Variants in ODAM observed in about 807,000 individuals in gnomAD.
The protein encoded by ODAM is odontogenic, ameloblast associated.
ODAM carries 55 observed loss-of-function variants against 48.5 expected under a neutral mutation model. That is an observed-to-expected ratio of 1.13 (90% confidence interval 0.91 to 1.42). The LOEUF (loss-of-function observed/expected upper bound fraction) is 1.42, where lower values mean the gene tolerates loss of function less well. Ranked by LOEUF, ODAM falls within the 40% of genes most tolerant of loss-of-function variation. ODAM has a pLI of 0.00. For synonymous variants in ODAM, 127 were observed against 107.8 expected (o/e 1.18, Z -1.10); for missense variants, 353 against 323.6 (o/e 1.09, Z -0.70).
At position 70,196,601 on chromosome 4, in the gene ODAM, G is replaced by T. The variant is rs202156942; in HGVS notation, c.51+7G>T. ...AGCCACATTGTCAGCCCCAGTAAGT[G>T]ATTTTATGGCACTACTAGTCCCACT... On this transcript the variant is annotated splice_region_variant and intron_variant, in intron 2 of 11. Transcript: ENST00000683306. 3.2e-5 allele frequency: 51 copies of T among 1,597,636 alleles called. No individual in the cohort carries two copies. Among genetic ancestry groups the T allele is most frequent in the Non-Finnish European group, 6.9e-6 (8 of 1,167,882 alleles).
rs758137062 is a variant in ODAM, at chr4:70,196,599, G to A, written c.51+5G>A. ...GGAGCCACATTGTCAGCCCCAGTAA[G>A]TGATTTTATGGCACTACTAGTCCCA... is the stretch of plus-strand genomic sequence containing the variant. On this transcript the variant is annotated splice_donor_5th_base_variant and intron_variant, in intron 2 of 11. Transcript: ENST00000683306. 1 of 1,597,386 alleles carries A rather than the reference G, an allele frequency of 6.3e-7. No homozygotes were observed. The highest frequency in any genetic ancestry group is 2.2e-5 in the East Asian group (1 of 44,514).
rs971847947 is a variant in ODAM at position 70,204,231 on chromosome 4, C to T, written c.*86C>T. On this transcript the variant is annotated 3_prime_UTR_variant, in exon 12 of 12. Coordinates refer to ENST00000683306, the MANE Select transcript of ODAM (RefSeq NM_017855.4). ...TTTTAGGCTATTAGCTTCCTCAATA[C>T]TAGTATCAGTTCTTTGGAATACATG... is the stretch of plus-strand genomic sequence containing the variant. 1.3e-5 allele frequency: 2 copies of T among 152,056 alleles called. No homozygotes were observed. The highest frequency in any genetic ancestry group is 4.1e-4 in the South Asian group (2 of 4,830). The allele number at this position is 152,056 out of a possible 1,614,324, so 9.4% of individuals were successfully genotyped here.
At position 70,198,082 on chromosome 4, in the gene ODAM, C is replaced by A. The variant is rs144151978; in HGVS notation, c.300C>A (p.Ala100=). The A allele has an allele frequency of 3.7e-6, 6 of 1,613,242 alleles. No homozygotes were observed. In the African/African-American group the frequency reaches 8.0e-5, roughly 22 times the overall value. The part of the protein sequence containing the change: ...QIPLTGEASF[A]QGAQAGQVDP... ...CCTTAACAGGAGAGGCCAGTTTTGC[C>A]CAAGGAGCCCAGGCAGGCCAAGTTG... The change falls in exon 5 of 12, where the codon GCC becomes GCA. Residue 100 remains alanine (A), a synonymous_variant. Transcript: ENST00000683306.
chr4:70,200,381 C>G, intron 6 of ODAM, 116 bp from the exon 7 acceptor site: 1 of 581,566 alleles, frequency 1.7e-6, no homozygotes, highest in Non-Finnish European at 3.0e-6. Context: ...TGTATTTAAT[C>G]ATATAAAGCT....
intron 1 of ODAM, 35 bp from the exon 2 acceptor site, chr4:70,196,494 C>A: frequency 8.3e-7 from 1 of 1,206,098 alleles, no homozygotes; most frequent in South Asian, 1.4e-5. Flanking sequence ...TAAGTAATGT[C>A]TTTATAAAGC....
chr4:70,201,386 C>A, intron 7 of ODAM, 68 bp from the exon 8 acceptor site: 3 of 729,800 alleles, frequency 4.1e-6, no homozygotes, highest in African/African-American at 1.8e-5. Context: ...TTTAAGTAAT[C>A]ATTTACTGCA....
rs1252053679 is a variant in ODAM, at chr4:70,202,300, C to T, written c.619C>T (p.Leu207=). ...GQQQLAFDPQ[L]GTAPEIAVMS... is the part of the protein sequence containing the mutation. ...GCAGCAACTAGCTTTTGATCCCCAA[C>T]TAGGCACAGCTCCTGAAATTGCTGT... The change falls in exon 9 of 12, where the codon CTA becomes TTA. Residue 207 remains leucine (L), a synonymous_variant. Coordinates refer to ENST00000683306, the MANE Select transcript of ODAM (RefSeq NM_017855.4). 1.2e-6 allele frequency: 2 copies of T among 1,611,796 alleles called. No individual in the cohort carries two copies. Among genetic ancestry groups the T allele is most frequent in the African/African-American group, 1.3e-5 (1 of 74,780 alleles).
At chr4:70,198,670 A>G (rs1267484217) in intron 6 of ODAM, 44 bp downstream of exon 6, 1 of 1,441,770 alleles carries the variant, frequency 6.9e-7, no homozygotes, top group South Asian at 1.2e-5. Flanking sequence ...GGCTACATAC[A>G]CTCTCCACAA....
chr4:70,200,336 C>T (rs886812333), intron 6 of ODAM, among the ~76,000 whole-genome samples, 161 bp from the exon 7 acceptor site: 1 of 151,690 alleles, frequency 6.6e-6, no homozygotes, highest in African/African-American at 2.4e-5. Flanking sequence ...AAGTTGTTTC[C>T]AAAGTTTGGG....
In ODAM at chr4:70,197,947, A is replaced by G. The variant is rs776688725; in HGVS notation, c.165A>G (p.Pro55=). Residue 55 remains proline (P), a synonymous_variant, in exon 5 of 12, where the codon CCA becomes CCG. Coordinates refer to ENST00000683306, the MANE Select transcript of ODAM (RefSeq NM_017855.4). ...QLQGPLNSWI[P]PFSGILQQQQ... is the part of the protein sequence containing the mutation. ...AGGGCCCACTTAATTCATGGATTCC[A>G]CCTTTCTCTGGAATTTTACAACAGC... 6.2e-7 allele frequency: 1 copy of G among 1,613,080 alleles called. No homozygotes were observed. Among genetic ancestry groups the G allele is most frequent in the Admixed American group, 1.7e-5 (1 of 59,906 alleles).
intron 9 of ODAM, 74 bp from the exon 10 acceptor site, chr4:70,202,682 G>T: frequency 1.8e-6 from 2 of 1,115,048 alleles, no homozygotes; most frequent in Non-Finnish European, 2.6e-6. Context: ...CAATCCTGTT[G>T]CTTTACATTC....
At chr4:70,197,687 T>C in intron 4 of ODAM, 1 of 569,078 alleles carries the variant, frequency 1.8e-6, no homozygotes, top group Non-Finnish European at 3.1e-6. Flanking sequence ...CATATGCAGA[T>C]GTTGGGCTCT....
intron 6 of ODAM, 27 bp downstream of exon 6, chr4:70,198,653 T>C: frequency 1.3e-6 from 2 of 1,569,918 alleles, no homozygotes; most frequent in Non-Finnish European, 1.7e-6. Context: ...ACACTGCCCA[T>C]AGAGATGGCT....
intron 6 of ODAM, chr4:70,200,093 T>A (rs1472654058): frequency 8.9e-6 from 4 of 447,450 alleles, no homozygotes; most frequent in South Asian, 6.4e-5. Flanking sequence ...ATTTCATTTA[T>A]TATGGCAGAA....
rs201527827 is a variant in ODAM at position 70,200,552 on chromosome 4, C to G, written c.479C>G (p.Thr160Arg). 6.0e-5 allele frequency: 96 copies of G among 1,611,442 alleles called. No homozygotes were observed. Among genetic ancestry groups the G allele is most frequent in the Non-Finnish European group, 6.1e-5 (72 of 1,178,410 alleles). Residue 160 changes from threonine to arginine, a missense_variant, in exon 7 of 12, where the codon ACA (threonine) becomes AGA (arginine). Physicochemically the swap from Thr to Arg is moderately conservative, Grantham distance 71. Transcript: ENST00000683306. ...CTACCCTGGGAACAACCTCAGCAAA[C>G]AGTTCCAAGGTCACCTCAACAAACA... is the stretch of plus-strand genomic sequence containing the variant. ...MVLPWEQPQQ[T>R]VPRSPQQTRQ...
At chr4:70,199,161 A>G (rs1729443866) in intron 6 of ODAM, among the ~76,000 whole-genome samples, 1 of 152,028 alleles carries the variant, frequency 6.6e-6, no homozygotes, top group Non-Finnish European at 1.5e-5. Flanking sequence ...ATTAAATAGG[A>G]TAATCTTTTA....
intron 6 of ODAM, among the ~76,000 whole-genome samples, chr4:70,198,923 T>A (rs1270987566): frequency 1.3e-5 from 2 of 151,940 alleles, no homozygotes. Context: ...GCATCCAAAG[T>A]GCTGGAAGTT....
chr4:70,202,001 C>G (rs1201606383), intron 8 of ODAM, among the ~76,000 whole-genome samples: 1 of 151,804 alleles, frequency 6.6e-6, no homozygotes, highest in East Asian at 1.9e-4. Flanking sequence ...TGTTGGTGTT[C>G]TGTAGAATTC....
rs771218035 is a variant in ODAM at position 70,196,710 on chromosome 4, A to T, written c.70A>T (p.Met24Leu). The change falls in exon 3 of 12, where the codon ATG becomes TTG. Residue 24 changes from methionine (M) to leucine (L), a missense_variant. Transcript: ENST00000683306. ...LSAPLIPQRL[M>L]SASNSNELLL... ...CTTTTAGCTTATCCCACAGCGTCTCATGTCTGCCAGCAATAGCAATGAGGT... is the reference window on the plus strand; with the variant it reads ...CTTTTAGCTTATCCCACAGCGTCTCTTGTCTGCCAGCAATAGCAATGAGGT... 4 of 1,606,396 alleles carry T rather than the reference A, an allele frequency of 2.5e-6. No homozygotes were observed. In the East Asian group the frequency reaches 6.7e-5, roughly 27 times the overall value.
Sources: gnomAD v4.1 joint callset for allele counts (sites outside exome capture counted in the v4.1 genomes callset) on GRCh38, gnomAD v4.1.1 for gene constraint, MANE v1.5 for transcripts, NCBI Gene and HGNC (gene_info 2026-07-23, HGNC 2026-07-21) for gene names.